The following LFNG variants were observed in gnomAD, a reference collection of about 807,000 sequenced individuals.
LFNG encodes the protein LFNG O-fucosylpeptide 3-beta-N-acetylglucosaminyltransferase.
LFNG carries 15 observed loss-of-function variants against 32.7 expected under a neutral mutation model. The observed-to-expected ratio is 0.46, with a 90% CI of 0.31 to 0.71. The LOEUF (loss-of-function observed/expected upper bound fraction) is 0.71. Among genes scored for constraint, LFNG ranks in the 30% least tolerant of loss-of-function variants. The pLI is 0.06. For missense variants in LFNG, 520 were observed against 545.7 expected (o/e 0.95, Z 0.47); for synonymous variants, 274 against 246.8 (o/e 1.11, Z -1.03).
chr7:2,520,048 G>C lies in LFNG; in HGVS notation c.187G>C (p.Ala63Pro). 2 of 1,103,688 alleles carry C rather than the reference G, an allele frequency of 1.8e-6. No individual in the cohort carries two copies. Among genetic ancestry groups the C allele is most frequent in the Non-Finnish European group, 2.2e-6 (2 of 907,936 alleles). The allele number at this position is 1,103,688 out of a possible 1,614,324, so 68.4% of individuals were successfully genotyped here. Residue 63 changes from alanine (A) to proline (P), a missense_variant, in exon 1 of 8, where the codon GCG becomes CCG. Transcript: ENST00000222725. The surrounding 1 kb of genome is among the most constrained non-coding windows in gnomAD (Gnocchi z 5.0). ...PAPGLGAAAAAPGALVRDVHS... is the reference protein window; with the variant it reads ...PAPGLGAAAAPPGALVRDVHS... The stretch of plus-strand genomic sequence containing the variant: ...GCCCGGGCTGGGGGCGGCGGCGGCG[G>C]CGCCCGGGGCGCTGGTCCGCGACGT...
Position 2,526,892 on chromosome 7 carries a change from G to A in LFNG, c.1044G>A (p.Gly348=). Residue 348 remains glycine, a synonymous_variant, in exon 7 of 8, where the codon GGG becomes GGA. Coordinates refer to ENST00000222725, the MANE Select transcript of LFNG (RefSeq NM_001040167.2). The surrounding 1 kb of genome is among the most constrained non-coding windows in gnomAD (Gnocchi z 6.9). ...AGCGGAACGCCGTCCACGTGAAGGGGCCCTTCTCGGTGGAGGCCGACCCAT... is the reference window on the plus strand; with the variant it reads ...AGCGGAACGCCGTCCACGTGAAGGGACCCTTCTCGGTGGAGGCCGACCCAT... The part of the protein sequence containing the change: ...ENKRNAVHVK[G]PFSVEADPSR... The A allele has an allele frequency of 6.2e-7, 1 of 1,612,428 alleles. No individual in the cohort carries two copies. The highest frequency in any genetic ancestry group is 8.5e-7 in the Non-Finnish European group (1 of 1,179,870).
rs1227023226 is a variant in LFNG, at chr7:2,525,403, C to T, written c.582-11C>T. On this transcript the variant is annotated splice_polypyrimidine_tract_variant and intron_variant, in intron 3 of 7. Transcript: ENST00000222725. ...GCATGCCCTCCCCCGATGGCCCTGC[C>T]TTGTCCTCAGGTGGTTCTGCCACGT... The T allele has an allele frequency of 2.5e-6, 4 of 1,612,846 alleles. No homozygotes were observed. Among genetic ancestry groups the T allele is most frequent in the Non-Finnish European group, 3.4e-6 (4 of 1,179,828 alleles).
At chr7:2,525,792 G>C (rs1562554876) in intron 5 of LFNG, 22 bp downstream of exon 5, 1 of 1,599,744 alleles carries the variant, frequency 6.3e-7, no homozygotes, top group Non-Finnish European at 8.5e-7. Flanking sequence ...GCACAGGTTA[G>C]GCCAGCCCGG....
In LFNG at chr7:2,527,877, C is replaced by A; in HGVS notation, c.*665C>A. The A allele has an allele frequency of 2.0e-6, 2 of 994,604 alleles. No homozygotes were observed. Among genetic ancestry groups the A allele is most frequent in the Non-Finnish European group, 2.4e-6 (2 of 834,594 alleles). 61.6% of individuals were successfully genotyped at this position (994,604 alleles called of 1,614,324 possible). On this transcript the variant is annotated 3_prime_UTR_variant, in exon 8 of 8. Coordinates refer to ENST00000222725, the MANE Select transcript of LFNG (RefSeq NM_001040167.2). This position sits in a 1 kb window ranked among gnomAD's most constrained non-coding sequence, Gnocchi z 4.4. ...CTTCTGAGTGGGGAGTCTTCCAGGC[C>A]TCCTCAGAGGTCTTCCCTTTGCCTC...
chr7:2,513,490 G>C (rs1017395088), upstream of LFNG, among the ~76,000 whole-genome samples: 1 of 152,196 alleles, frequency 6.6e-6, no homozygotes, highest in Non-Finnish European at 1.5e-5. Context: ...CACAAGCCCA[G>C]GATCACATAG....
chr7:2,524,594 C>T, intron 1 of LFNG, 101 bp from the exon 2 acceptor site: 1 of 1,111,228 alleles, frequency 9.0e-7, no homozygotes, highest in South Asian at 1.3e-5. Flanking sequence ...TGTGACGCAG[C>T]TGCAGCTGCA....
Position 2,520,280 on chromosome 7 carries a change from G to T in LFNG, c.419G>T (p.Arg140Leu). 6.2e-7 allele frequency: 1 copy of T among 1,608,966 alleles called. No homozygotes were observed. The highest frequency in any genetic ancestry group is 8.5e-7 in the Non-Finnish European group (1 of 1,178,184). Residue 140 changes from arginine (R) to leucine (L), a missense_variant, in exon 1 of 8, where the codon CGC becomes CTC. Arg to Leu is a moderately radical substitution (Grantham distance 102, BLOSUM62 -2). Around this residue, in one of 3 missense-constraint regions of LFNG, gnomAD observed 360 missense variants for 354.7 expected, o/e 1.01. Transcript: ENST00000222725. The surrounding 1 kb of genome is among the most constrained non-coding windows in gnomAD (Gnocchi z 5.0). ...LDLLLETWIS[R>L]HKEMTFIFTD... ...CTGCTGCTGGAGACCTGGATCTCGC[G>T]CCACAAGGAGATGGTGAGCCCCCCG...
intron 1 of LFNG, among the ~76,000 whole-genome samples, chr7:2,521,048 T>G (rs1779773347): frequency 6.6e-6 from 1 of 152,094 alleles, no homozygotes; most frequent in Non-Finnish European, 1.5e-5. Context: ...GGGGGGTGTC[T>G]CTGGGCTGGG....
In LFNG at chr7:2,520,186, C is replaced by T; in HGVS notation, c.325C>T (p.Pro109Ser). 2 of 1,571,776 alleles carry T rather than the reference C, an allele frequency of 1.3e-6. No homozygotes were observed. The highest frequency in any genetic ancestry group is 1.7e-6 in the Non-Finnish European group (2 of 1,160,992). ...CGGCCACCCGCGCCCCCTGGCCGAG[C>T]CGCTCGCGCCCCGAGACGTCTTCAT... Reference protein sequence around the residue: ...ADGHPRPLAEPLAPRDVFIAV... With the variant: ...ADGHPRPLAESLAPRDVFIAV... The change falls in exon 1 of 8, where the codon CCG becomes TCG. Residue 109 changes from proline (P) to serine (S), a missense_variant. By Grantham distance (74) the Pro-to-Ser change is moderately conservative. This residue lies in a region of LFNG where 360 missense variants were observed against 354.7 expected (regional missense o/e 1.01). Coordinates refer to ENST00000222725, the MANE Select transcript of LFNG (RefSeq NM_001040167.2). The surrounding 1 kb of genome is among the most constrained non-coding windows in gnomAD (Gnocchi z 5.0).
At position 2,526,931 on chromosome 7, in the gene LFNG, C is replaced by A; in HGVS notation, c.1073+10C>A. Reference sequence around the variant, plus strand: ...AGGCCGACCCATCCAGGTAAGGAAACCCCGGCCCAGATGGGCTTGCGTAGG... The same window carrying A: ...AGGCCGACCCATCCAGGTAAGGAAAACCCGGCCCAGATGGGCTTGCGTAGG... On this transcript the variant is annotated intron_variant, in intron 7 of 7. Coordinates refer to ENST00000222725, the MANE Select transcript of LFNG (RefSeq NM_001040167.2). This position sits in a 1 kb window ranked among gnomAD's most constrained non-coding sequence, Gnocchi z 6.9. The A allele has an allele frequency of 6.2e-7, 1 of 1,611,808 alleles. No homozygotes were observed. The highest frequency in any genetic ancestry group is 8.5e-7 in the Non-Finnish European group (1 of 1,179,410).
upstream of LFNG, among the ~76,000 whole-genome samples, chr7:2,515,257 T>C (rs1779602351): frequency 6.6e-6 from 1 of 152,224 alleles, no homozygotes; most frequent in African/African-American, 2.4e-5. Flanking sequence ...TGCCAATCTA[T>C]CTGTCCATCT....
chr7:2,527,624 C>T lies in LFNG; in HGVS notation c.*412C>T, dbSNP rs778723010. 3.6e-5 allele frequency: 42 copies of T among 1,168,892 alleles called. No homozygotes were observed. Among genetic ancestry groups the T allele is most frequent in the Non-Finnish European group, 4.4e-5 (41 of 933,078 alleles). The allele number at this position is 1,168,892 out of a possible 1,614,324, so 72.4% of individuals were successfully genotyped here. ...GACCACAAGCTCTGTGCTGGGGGTA[C>T]CTGTGCCCTGAAGTCCTGGCCCCTG... On this transcript the variant is annotated 3_prime_UTR_variant, in exon 8 of 8. Coordinates refer to ENST00000222725, the MANE Select transcript of LFNG (RefSeq NM_001040167.2). This position sits in a 1 kb window ranked among gnomAD's most constrained non-coding sequence, Gnocchi z 4.4.
Position 2,526,164 on chromosome 7 carries a change from C to G in LFNG, c.822-80C>G, listed in dbSNP as rs1175950661. 2 of 1,520,652 alleles carry G rather than the reference C, an allele frequency of 1.3e-6. No homozygotes were observed. The highest frequency in any genetic ancestry group is 2.7e-5 in the African/African-American group (2 of 73,130). The allele number at this position is 1,520,652 out of a possible 1,614,324, so 94.2% of individuals were successfully genotyped here. ...CTCCTCTCCCTGAGGAGTGCAGCGC[C>G]TTTGCCTGGTGGGGCCTCCCCAGCT... On this transcript the variant is annotated intron_variant, in intron 5 of 7. Coordinates refer to ENST00000222725, the MANE Select transcript of LFNG (RefSeq NM_001040167.2). This position sits in a 1 kb window ranked among gnomAD's most constrained non-coding sequence, Gnocchi z 6.9.
At position 2,527,113 on chromosome 7, in the gene LFNG, C is replaced by T; in HGVS notation, c.1074-33C>T. 3 of 1,598,944 alleles carry T rather than the reference C, an allele frequency of 1.9e-6. No homozygotes were observed. Among genetic ancestry groups the T allele is most frequent in the Non-Finnish European group, 2.6e-6 (3 of 1,168,206 alleles). On this transcript the variant is annotated intron_variant, in intron 7 of 7. Transcript: ENST00000222725. This position sits in a 1 kb window ranked among gnomAD's most constrained non-coding sequence, Gnocchi z 4.4. Reference sequence around the variant, plus strand: ...TGGGAGCTCAGCACCTGCCTGCCACCCACGCAGACCAGCCCCTGCTCTGTT... The same window carrying T: ...TGGGAGCTCAGCACCTGCCTGCCACTCACGCAGACCAGCCCCTGCTCTGTT...
At chr7:2,518,991 T>A (rs1779700695), upstream of LFNG, among the ~76,000 whole-genome samples, 1 of 151,916 alleles carries the variant, frequency 6.6e-6, no homozygotes, top group South Asian at 2.1e-4. Context: ...CTGGGCCGCA[T>A]CTGGCCCGAG....
At chr7:2,519,761 C>A, upstream of LFNG, 2 of 657,844 alleles carry the variant, frequency 3.0e-6, no homozygotes, top group Non-Finnish European at 3.8e-6. Flanking sequence ...GCGCGGGACA[C>A]TGGTGCTGCG....
chr7:2,513,328 G>A, upstream of LFNG: 1 of 1,592,830 alleles, frequency 6.3e-7, no homozygotes, highest in South Asian at 1.1e-5. Flanking sequence ...TCTCTCAGCA[G>A]GTGTGATCGC....
At chr7:2,523,123 C>T (rs1481155207) in intron 1 of LFNG, among the ~76,000 whole-genome samples, 1 of 152,246 alleles carries the variant, frequency 6.6e-6, no homozygotes, top group East Asian at 1.9e-4. Flanking sequence ...GAGAACAGGC[C>T]TCCCTTGATC....
At chr7:2,519,639 G>C (rs1027233308), upstream of LFNG, among the ~76,000 whole-genome samples, 2 of 149,792 alleles carry the variant, frequency 1.3e-5, no homozygotes, top group Non-Finnish European at 3.0e-5. Flanking sequence ...GCCCCCAGCC[G>C]CGGCCCCACG....
Sources: allele counts gnomAD v4.1 joint callset (sites outside exome capture counted in the v4.1 genomes callset), GRCh38; gene constraint gnomAD v4.1.1; regional missense constraint gnomAD v4.1.1; non-coding constraint Gnocchi (gnomAD v3.1); transcripts MANE v1.5; gene names NCBI Gene and HGNC (gene_info 2026-07-23, HGNC 2026-07-21).